Variants in GCSH observed in about 807,000 individuals in gnomAD.
GCSH encodes glycine cleavage system H protein, mitochondrial.
GCSH carries 15 observed loss-of-function variants against 21.3 expected under a neutral mutation model. The ratio of observed to expected loss-of-function variants is 0.70; its 90% confidence interval spans 0.47 to 1.08. The LOEUF (loss-of-function observed/expected upper bound fraction) is 1.08. Among genes scored for constraint, GCSH ranks in the 50% least tolerant of loss-of-function variants. The pLI is 0.00. For synonymous variants in GCSH, 59 were observed against 84.5 expected (o/e 0.70, Z 1.66); for missense variants, 179 against 217.5 (o/e 0.82, Z 1.11).
chr16:81,095,677 G>T, intron 1 of GCSH, among the ~76,000 whole-genome samples: 1 of 100,982 alleles, frequency 9.9e-6, no homozygotes, highest in African/African-American at 3.4e-5. Flanking sequence ...TTTAATAAGC[G>T]CTTCTGTTTT....
chr16:81,095,074 C>A (rs906871131), intron 1 of GCSH, among the ~76,000 whole-genome samples: 33 of 148,732 alleles, frequency 2.2e-4, no homozygotes, highest in African/African-American at 8.2e-4. Flanking sequence ...GCCTGGGCGA[C>A]AGAGCGAGGC....
intron 1 of GCSH, among the ~76,000 whole-genome samples, chr16:81,092,823 T>C (rs925467445): frequency 6.6e-6 from 1 of 150,420 alleles, no homozygotes; most frequent in African/African-American, 2.4e-5. Flanking sequence ...AATATATATA[T>C]TTTTCCCCTT....
intron 1 of GCSH, among the ~76,000 whole-genome samples, chr16:81,091,870 C>G (rs1005831955): frequency 6.6e-6 from 1 of 152,100 alleles, no homozygotes; most frequent in East Asian, 1.9e-4. Context: ...CCTCCCACCT[C>G]AACCTCTCAC....
chr16:81,090,219 G>A (rs1455077010), intron 2 of GCSH, among the ~76,000 whole-genome samples: 1 of 151,306 alleles, frequency 6.6e-6, no homozygotes, highest in Non-Finnish European at 1.5e-5. Flanking sequence ...GCCTCCTGAC[G>A]AGCTGGGATT....
Position 81,084,549 on chromosome 16 carries a change from T to C in GCSH, c.338A>G (p.Tyr113Cys), listed in dbSNP as rs140749911. 4 of 1,593,752 alleles carry C rather than the reference T, an allele frequency of 2.5e-6. No individual in the cohort carries two copies. The highest frequency in any genetic ancestry group is 3.4e-6 in the Non-Finnish European group (4 of 1,161,602). Residue 113 changes from tyrosine (Y) to cysteine (C), a missense_variant, in exon 4 of 5, where the codon TAT becomes TGT. Coordinates refer to ENST00000315467, the MANE Select transcript of GCSH (RefSeq NM_004483.5). ...LESVKAASELYSPLSGEVTEI... is the reference protein window; with the variant it reads ...LESVKAASELCSPLSGEVTEI... ...AGTTACTTCTCCTGATAAAGGAGAA[T>C]AGAGTTCACTAGCAGCTTTCACACT...
chr16:81,090,855 T>C (rs1471235120), intron 1 of GCSH, 175 bp from the exon 2 acceptor site: 10 of 673,752 alleles, frequency 1.5e-5, no homozygotes, highest in Non-Finnish European at 2.7e-5. Flanking sequence ...GATGACGCAT[T>C]TAAACAGCAG....
chr16:81,095,879 C>T (rs1441700224), intron 1 of GCSH, among the ~76,000 whole-genome samples: 1 of 152,130 alleles, frequency 6.6e-6, no homozygotes, highest in Admixed American at 6.6e-5. Context: ...GCCTCGGTGT[C>T]CCGCAGGCCT....
intron 3 of GCSH, among the ~76,000 whole-genome samples, chr16:81,087,077 T>C (rs755302512): frequency 5.3e-5 from 8 of 151,992 alleles, no homozygotes; most frequent in Non-Finnish European, 8.8e-5. Context: ...TTTTCTCTCT[T>C]TTTTTTAAAA....
intron 1 of GCSH, among the ~76,000 whole-genome samples, chr16:81,094,208 C>A (rs1050337982): frequency 4.6e-5 from 7 of 152,166 alleles, no homozygotes; most frequent in African/African-American, 1.7e-4. Context: ...ACAATAATTA[C>A]TTTCTAACTG....
intron 1 of GCSH, chr16:81,091,045 A>G (rs8177872): frequency 0.016 from 7,337 of 452,684 alleles, 305 homozygotes; most frequent in African/African-American, 0.11. Context: ...TCTGAAGACA[A>G]ATTTGGGGTG....
chr16:81,093,524 C>G (rs963526013), intron 1 of GCSH, among the ~76,000 whole-genome samples: 12 of 152,022 alleles, frequency 7.9e-5, no homozygotes, highest in Non-Finnish European at 1.2e-4. Context: ...TAGAGGGAGA[C>G]GGCAACATTA....
chr16:81,089,334 A>G (rs1389155094), intron 2 of GCSH, among the ~76,000 whole-genome samples: 1 of 152,208 alleles, frequency 6.6e-6, no homozygotes, highest in Non-Finnish European at 1.5e-5. Context: ...TTTCTTTAAG[A>G]GTCACGTTGG....
At chr16:81,093,930 C>G (rs1169634863) in intron 1 of GCSH, among the ~76,000 whole-genome samples, 1 of 152,112 alleles carries the variant, frequency 6.6e-6, no homozygotes, top group South Asian at 2.1e-4. Context: ...GAGACAGAGT[C>G]TCACTCTGTC....
At chr16:81,083,315 C>G (rs8177948) in intron 4 of GCSH, 30,133 of 310,834 alleles carry the variant, frequency 0.097, 1,671 homozygotes, top group East Asian at 0.2. Flanking sequence ...GCTAGGAGCT[C>G]TAGACCAGCC....
At chr16:81,084,711 C>CT (rs35385687) in intron 3 of GCSH, 117 bp from the exon 4 acceptor site, 9,049 of 568,102 alleles carry the variant, frequency 0.016, 32 homozygotes, top group African/African-American at 0.042. Context: ...TTCCAAATTT[C>CT]TTTTTTTTTT....
intron 1 of GCSH, among the ~76,000 whole-genome samples, chr16:81,093,918 T>C (rs1056529322): frequency 2.0e-5 from 3 of 152,298 alleles, no homozygotes; most frequent in South Asian, 2.1e-4. Context: ...CTTTCTTTTT[T>C]TGAGACAGAG....
chr16:81,095,293 T>C (rs1204832185), intron 1 of GCSH, among the ~76,000 whole-genome samples: 3 of 152,124 alleles, frequency 2.0e-5, no homozygotes, highest in Non-Finnish European at 2.9e-5. Context: ...CAGAAGACTT[T>C]ATCTTACTTG....
intron 4 of GCSH, 138 bp downstream of exon 4, chr16:81,084,325 C>G (rs1322856652): frequency 5.3e-6 from 4 of 752,882 alleles, no homozygotes; most frequent in Non-Finnish European, 9.3e-6. Context: ...CTCTGTTTTT[C>G]TTTTAAAGCA....
At chr16:81,085,494 C>A (rs1972254776) in intron 3 of GCSH, among the ~76,000 whole-genome samples, 1 of 152,110 alleles carries the variant, frequency 6.6e-6, no homozygotes, top group Non-Finnish European at 1.5e-5. Context: ...GTTCTTGCAA[C>A]TTAGCTGTGG....
Sources: gnomAD v4.1 joint callset for allele counts (sites outside exome capture counted in the v4.1 genomes callset) on GRCh38, gnomAD v4.1.1 for gene constraint, MANE v1.5 for transcripts, NCBI Gene and HGNC (gene_info 2026-07-23, HGNC 2026-07-21) for gene names.